OPN3: variants seen among roughly 807,000 people sequenced by gnomAD.
OPN3 encodes the protein opsin 3, also known as opsin-3.
A neutral mutation model predicts 33.8 loss-of-function variants in OPN3; 29 were observed. The observed-to-expected ratio is 0.86, with a 90% CI of 0.64 to 1.17. The LOEUF is 1.17. Among genes scored for constraint, OPN3 ranks in the 50% most tolerant of loss-of-function variants. The pLI is 0.00. For synonymous variants in OPN3, 216 were observed against 216.1 expected, an observed-to-expected ratio of 1.00 and a Z score of 0.00; for missense variants, 437 against 514.1, an observed-to-expected ratio of 0.85 and a Z score of 1.45.
At chr1:241,636,849 G>A (rs185425185) in intron 1 of OPN3, among the ~76,000 whole-genome samples, 2 of 151,792 alleles carry the variant, frequency 1.3e-5, no homozygotes, top group African/African-American at 2.4e-5. Context: ...TTTGCATTTC[G>A]CCACTGTCTC....
At chr1:241,607,635 AG>A (rs1558439610) in intron 1 of OPN3, among the ~76,000 whole-genome samples, 24 of 146,576 alleles carry the variant, frequency 1.6e-4, no homozygotes, top group Middle Eastern at 3.4e-3. Flanking sequence ...AAAAAGAAAA[AG>A]GAAGAAAGAA....
rs1663619161 is a variant in OPN3, at chr1:241,599,276, A to G, written c.694-1279T>C. Among the ~76,000 whole-genome samples the G allele has an allele frequency of 2.0e-5, 3 of 151,924 alleles. No individual in the cohort carries two copies. The South Asian group carries it at 6.3e-4, about 32-fold the overall frequency. Reference sequence around the variant, plus strand: ...TGCAAAAGTAATTGTGGTTTTTGCCATTAAAGGTAAACCTTTGAAGGTCAC... The same window carrying G: ...TGCAAAAGTAATTGTGGTTTTTGCCGTTAAAGGTAAACCTTTGAAGGTCAC... On this transcript the variant is annotated intron_variant, in intron 2 of 3. Coordinates refer to ENST00000366554, the MANE Select transcript of OPN3 (RefSeq NM_014322.3).
intron 1 of OPN3, among the ~76,000 whole-genome samples, chr1:241,617,634 G>A (rs982456718): frequency 3.3e-5 from 5 of 152,166 alleles, no homozygotes; most frequent in African/African-American, 1.2e-4. Context: ...TGGAGAGCAC[G>A]GAAACACAGA....
chr1:241,619,908 G>A (rs1664231061), intron 1 of OPN3, among the ~76,000 whole-genome samples: 1 of 152,206 alleles, frequency 6.6e-6, no homozygotes. Flanking sequence ...AGGGCCCTGA[G>A]TTTAGTTCTG....
intron 1 of OPN3, among the ~76,000 whole-genome samples, chr1:241,607,585 AAAG>A (rs1663869211): frequency 6.7e-6 from 1 of 150,234 alleles, no homozygotes; most frequent in Non-Finnish European, 1.5e-5. Context: ...GAAAAGAAAG[AAAG>A]AAAGGAAGAA....
intron 1 of OPN3, among the ~76,000 whole-genome samples, chr1:241,618,032 AAAG>A (rs1373020460): frequency 2.6e-5 from 4 of 152,172 alleles, no homozygotes; most frequent in Admixed American, 1.3e-4. Context: ...AAAATAAAAA[AAAG>A]AAGGTGGGAG....
At chr1:241,598,241 T>G (rs1663589677) in intron 2 of OPN3, among the ~76,000 whole-genome samples, 1 of 151,916 alleles carries the variant, frequency 6.6e-6, no homozygotes, top group Admixed American at 6.6e-5. Context: ...CCTACATCCT[T>G]CAGTGTTTTT....
At chr1:241,618,207 T>G (rs1664185773) in intron 1 of OPN3, among the ~76,000 whole-genome samples, 1 of 152,180 alleles carries the variant, frequency 6.6e-6, no homozygotes, top group Non-Finnish European at 1.5e-5. Context: ...TGATGTTCAA[T>G]TTAACACCTT....
intron 3 of OPN3, 77 bp from the exon 4 acceptor site, chr1:241,594,768 T>C (rs1663448014): frequency 2.0e-6 from 3 of 1,517,386 alleles, no homozygotes; most frequent in Non-Finnish European, 2.7e-6. Context: ...AGGAAATCAG[T>C]TGAGCTGAAT....
chr1:241,627,869 A>C (rs960798267), intron 1 of OPN3, among the ~76,000 whole-genome samples: 1 of 152,184 alleles, frequency 6.6e-6, no homozygotes, highest in Admixed American at 6.5e-5. Flanking sequence ...AAATAAAATT[A>C]ATCTTAATCA....
At chr1:241,634,992 A>G (rs1558447898) in intron 1 of OPN3, 1 of 1,613,650 alleles carries the variant, frequency 6.2e-7, no homozygotes, top group Non-Finnish European at 8.5e-7. Flanking sequence ...ACATTTTTAA[A>G]TTCTACATAA....
chr1:241,617,105 G>A lies in OPN3; in HGVS notation c.374-12526C>T, dbSNP rs558223996. ...TTTCTAATTAGATCTTTCCAGACATGTCAGGCAGGAAAGTCTCATCGTCCC... is the reference window on the plus strand; with the variant it reads ...TTTCTAATTAGATCTTTCCAGACATATCAGGCAGGAAAGTCTCATCGTCCC... On this transcript the variant is annotated intron_variant, in intron 1 of 3. Transcript: ENST00000366554. Among the ~76,000 whole-genome samples the A allele has an allele frequency of 7.2e-5, 11 of 152,202 alleles. No homozygotes were observed. The East Asian group carries it at 1.2e-3, about 16-fold the overall frequency.
chr1:241,627,426 G>A (rs1558444785), intron 1 of OPN3, among the ~76,000 whole-genome samples: 1 of 152,116 alleles, frequency 6.6e-6, no homozygotes, highest in Non-Finnish European at 1.5e-5. Flanking sequence ...ATACAAAGTA[G>A]GAGAGTCCAG....
chr1:241,639,856 G>C (rs112198355), intron 1 of OPN3, 26 bp downstream of exon 1: 1 of 1,495,402 alleles, frequency 6.7e-7, no homozygotes, highest in South Asian at 1.3e-5. Context: ...GCAGAGGGGA[G>C]GCTGCCTTCT....
At chr1:241,627,932 C>T (rs1664469758) in intron 1 of OPN3, among the ~76,000 whole-genome samples, 1 of 152,150 alleles carries the variant, frequency 6.6e-6, no homozygotes. Context: ...CTTCCTCTCC[C>T]TAAGCCCTTG....
At chr1:241,635,460 A>G (rs1040909304) in intron 1 of OPN3, 20 of 1,613,754 alleles carry the variant, frequency 1.2e-5, no homozygotes, top group Non-Finnish European at 1.7e-5. Flanking sequence ...CTGGCGTAGC[A>G]AAAAGCTTCT....
Position 241,594,560 on chromosome 1 carries a change from C to A in OPN3, c.1077G>T (p.Arg359Ser), listed in dbSNP as rs1663438899. 6.2e-7 allele frequency: 1 copy of A among 1,613,982 alleles called. No homozygotes were observed. Among genetic ancestry groups the A allele is most frequent in the African/African-American group, 1.3e-5 (1 of 74,900 alleles). ...PIVMSQKDGD[R>S]PKKKVTFNSS... ...AGTTGAAAGTCACTTTTTTCTTTGGCCTGTCCCCATCTTTCTGTGACATCA... is the reference window on the plus strand; with the variant it reads ...AGTTGAAAGTCACTTTTTTCTTTGGACTGTCCCCATCTTTCTGTGACATCA... The change falls in exon 4 of 4, where the codon AGG (arginine) becomes AGT (serine). Residue 359 changes from arginine (R) to serine (S), a missense_variant. Physicochemically the swap from Arg to Ser is moderately radical, Grantham distance 110. Transcript: ENST00000366554.
chr1:241,626,744 A>G (rs969703681), intron 1 of OPN3, among the ~76,000 whole-genome samples: 21 of 152,234 alleles, frequency 1.4e-4, no homozygotes, highest in African/African-American at 5.1e-4. Flanking sequence ...AAGTTTCCCC[A>G]TACTGGGTAA....
At chr1:241,629,042 A>G (rs1399280304) in intron 1 of OPN3, 2 of 152,546 alleles carry the variant, frequency 1.3e-5, no homozygotes, top group African/African-American at 4.8e-5. Flanking sequence ...TTTGAATCTC[A>G]CTTTTTTGCA....
Sources: gnomAD v4.1 joint callset for allele counts (sites outside exome capture counted in the v4.1 genomes callset) on GRCh38, gnomAD v4.1.1 for gene constraint, MANE v1.5 for transcripts, NCBI Gene and HGNC (gene_info 2026-07-23, HGNC 2026-07-21) for gene names.